MOSMO: variants seen among roughly 807,000 people sequenced by gnomAD.
The protein encoded by MOSMO is modulator of smoothened, also known as modulator of smoothened protein.
In MOSMO, 5 loss-of-function variants were observed where a neutral mutation model predicts 18.4. The ratio of observed to expected loss-of-function variants is 0.27; its 90% CI spans 0.14 to 0.57. MOSMO has a LOEUF of 0.57. MOSMO is among the 20% of genes least tolerant of loss of function. The pLI, the probability that MOSMO is intolerant of heterozygous loss-of-function variation, is 0.92. For synonymous variants in MOSMO, 82 were observed against 82.3 expected (o/e 1.00, Z 0.02); for missense variants, 138 against 211.8 (o/e 0.65, Z 2.16).
chr16:22,027,953 A>G (rs1899909520), intron 1 of MOSMO, among the ~76,000 whole-genome samples: 1 of 152,178 alleles, frequency 6.6e-6, no homozygotes, highest in Non-Finnish European at 1.5e-5. Flanking sequence ...CTTTTGGAAG[A>G]ACATCTGGAT....
intron 2 of MOSMO, 132 bp downstream of exon 2, chr16:22,075,831 A>G (rs988032083): frequency 7.5e-6 from 5 of 669,710 alleles, no homozygotes; most frequent in Admixed American, 2.2e-5. Flanking sequence ...TGGCCGTGAG[A>G]TAGACTCTAC....
chr16:22,083,679 G>A lies in MOSMO; in HGVS notation c.*2799G>A, dbSNP rs1451368014. The A allele has an allele frequency of 4.2e-5, 19 of 453,154 alleles. No individual in the cohort carries two copies. The Admixed American group carries it at 4.6e-4, about 11-fold the overall frequency. The allele number at this position is 453,154 out of a possible 1,614,324, so 28.1% of individuals were successfully genotyped here. A position where few individuals can be genotyped will look rare whatever the true frequency, so the allele number is the denominator to read the frequency against. ...TTGTCTGTTTCATTGTTTTTAGAGT[G>A]TGTGCATTCTTCTCATACCTAAGAA... On this transcript the variant is annotated 3_prime_UTR_variant, in exon 3 of 3. Coordinates refer to ENST00000542527, the MANE Select transcript of MOSMO (RefSeq NM_001164579.2).
At chr16:22,091,375 C>T (rs867901091), downstream of MOSMO, among the ~76,000 whole-genome samples, 10 of 152,168 alleles carry the variant, frequency 6.6e-5, no homozygotes, top group Admixed American at 4.6e-4. Flanking sequence ...TGATGACTAC[C>T]ACAAGTGGCA....
downstream of MOSMO, among the ~76,000 whole-genome samples, chr16:22,088,285 T>C (rs1300144499): frequency 1.3e-5 from 2 of 152,250 alleles, no homozygotes; most frequent in Non-Finnish European, 2.9e-5. Context: ...CCCAAAGTGC[T>C]GGGAGCCACC....
At chr16:22,043,009 G>A (rs1019264167) in intron 1 of MOSMO, among the ~76,000 whole-genome samples, 1 of 152,108 alleles carries the variant, frequency 6.6e-6, no homozygotes, top group African/African-American at 2.4e-5. Flanking sequence ...GCTGCATTTG[G>A]TGGGATACTG....
intron 1 of MOSMO, among the ~76,000 whole-genome samples, chr16:22,058,830 G>A (rs1900588663): frequency 1.3e-5 from 2 of 152,224 alleles, no homozygotes; most frequent in Admixed American, 1.3e-4. Flanking sequence ...GTCTTAGCTA[G>A]AGATCAATTT....
At chr16:22,070,487 G>A (rs1171746405) in intron 1 of MOSMO, among the ~76,000 whole-genome samples, 1 of 152,162 alleles carries the variant, frequency 6.6e-6, no homozygotes, top group Non-Finnish European at 1.5e-5. Flanking sequence ...GAGAGACTGG[G>A]AGAAACTGTA....
intron 1 of MOSMO, among the ~76,000 whole-genome samples, chr16:22,016,159 C>T (rs1899631583): frequency 6.6e-6 from 1 of 152,110 alleles, no homozygotes; most frequent in Non-Finnish European, 1.5e-5. Flanking sequence ...TGGAGTCAGG[C>T]ATATCTCTAT....
intron 1 of MOSMO, among the ~76,000 whole-genome samples, chr16:22,016,485 A>T (rs1233358621): frequency 6.6e-6 from 1 of 152,290 alleles, no homozygotes; most frequent in Non-Finnish European, 1.5e-5. Context: ...AATGTTCGTG[A>T]ACCCAGCTGG....
downstream of MOSMO, among the ~76,000 whole-genome samples, chr16:22,088,554 C>G (rs1255216870): frequency 1.3e-5 from 2 of 152,146 alleles, no homozygotes; most frequent in Non-Finnish European, 2.9e-5. Flanking sequence ...AGCGTATCAA[C>G]TATTAAAGGA....
In MOSMO at chr16:22,075,815, T is replaced by G. The variant is rs1900956092; in HGVS notation, c.319+116T>G. ...TTCATAATCATCAAAGAGCACCACT[T>G]GTGTATGGCCGTGAGATAGACTCTA... On this transcript the variant is annotated intron_variant, in intron 2 of 2. Transcript: ENST00000542527. 3 of 734,884 alleles carry G rather than the reference T, an allele frequency of 4.1e-6. No individual in the cohort carries two copies. In the East Asian group the frequency reaches 8.2e-5, roughly 20 times the overall value. The allele number at this position is 734,884 out of a possible 1,614,324, so 45.5% of individuals were successfully genotyped here. A position where few individuals can be genotyped will look rare whatever the true frequency, so the allele number is the denominator to read the frequency against.
intron 1 of MOSMO, among the ~76,000 whole-genome samples, chr16:22,042,062 A>G (rs1900220902): frequency 6.6e-6 from 1 of 152,038 alleles, no homozygotes; most frequent in African/African-American, 2.4e-5. Flanking sequence ...TTTCCAGGAG[A>G]TTTTTCAGGT....
intron 2 of MOSMO, among the ~76,000 whole-genome samples, chr16:22,080,211 G>T (rs1448974594): frequency 1.3e-5 from 2 of 152,150 alleles, no homozygotes; most frequent in African/African-American, 4.8e-5. Flanking sequence ...TGTGATAATG[G>T]TATGCAGCAC....
chr16:22,060,305 T>G (rs1215386649), intron 1 of MOSMO, among the ~76,000 whole-genome samples: 1 of 152,236 alleles, frequency 6.6e-6, no homozygotes, highest in Non-Finnish European at 1.5e-5. Context: ...TGGACTTGTA[T>G]TCAGAATATT....
chr16:22,017,718 A>G (rs1181523845), intron 1 of MOSMO, among the ~76,000 whole-genome samples: 2 of 152,170 alleles, frequency 1.3e-5, no homozygotes, highest in South Asian at 2.1e-4. Context: ...CCATTTTTCA[A>G]TAATATACCC....
Position 22,008,249 on chromosome 16 carries a change from G to A in MOSMO, c.-53G>A. 1 of 1,248,298 alleles carries A rather than the reference G, an allele frequency of 8.0e-7. No individual in the cohort carries two copies. The highest frequency in any genetic ancestry group is 1.1e-6 in the Non-Finnish European group (1 of 920,172). 77.3% of individuals were successfully genotyped at this position (1,248,298 alleles called of 1,614,324 possible). On this transcript the variant is annotated 5_prime_UTR_variant, in exon 1 of 3. It adds an upstream start codon to the 5' untranslated region. Coordinates refer to ENST00000542527, the MANE Select transcript of MOSMO (RefSeq NM_001164579.2). The stretch of plus-strand genomic sequence containing the variant: ...GGCGGCGGCCCATGGGGCGGGAGGC[G>A]TGAGGCCGCTGCCTGTCCGGGGCTC...
chr16:22,067,432 CATAAG>C (rs1395101042), intron 1 of MOSMO, among the ~76,000 whole-genome samples: 1 of 152,172 alleles, frequency 6.6e-6, no homozygotes, highest in Non-Finnish European at 1.5e-5. Context: ...AAGACAAAGA[CATAAG>C]AGAATCTTGA....
At chr16:22,069,229 A>G (rs1166060193) in intron 1 of MOSMO, among the ~76,000 whole-genome samples, 1 of 152,164 alleles carries the variant, frequency 6.6e-6, no homozygotes, top group Non-Finnish European at 1.5e-5. Flanking sequence ...AAGAGGTTTG[A>G]TAGAGTATTG....
intron 1 of MOSMO, among the ~76,000 whole-genome samples, chr16:22,054,777 A>G (rs975241499): frequency 1.3e-5 from 2 of 152,148 alleles, no homozygotes; most frequent in Non-Finnish European, 2.9e-5. Flanking sequence ...TATCTTGACT[A>G]TTTAGAAAGA....
Sources: gnomAD v4.1 joint callset for allele counts (sites outside exome capture counted in the v4.1 genomes callset) on GRCh38, gnomAD v4.1.1 for gene constraint, MANE v1.5 for transcripts, NCBI Gene and HGNC (gene_info 2026-07-23, HGNC 2026-07-21) for gene names.